The following PCDHA8 variants were observed in gnomAD, a reference collection of about 807,000 sequenced individuals.
PCDHA8 encodes protocadherin alpha-8.
A neutral mutation model predicts 61.8 loss-of-function variants in PCDHA8; 53 were observed. The ratio of observed to expected loss-of-function variants is 0.86; its 90% CI spans 0.69 to 1.08. The LOEUF is 1.08. Ranked by LOEUF, PCDHA8 falls within the 50% of genes least tolerant of loss-of-function variation. The pLI is 0.00. For missense variants in PCDHA8, 1,293 were observed against 1,245.0 expected, an observed-to-expected ratio of 1.04 and a Z score of -0.58; for synonymous variants, 618 against 556.6, an observed-to-expected ratio of 1.11 and a Z score of -1.55.
chr5:140,897,875 G>A (rs2066378352), intron 1 of PCDHA8, among the ~76,000 whole-genome samples: 1 of 152,080 alleles, frequency 6.6e-6, no homozygotes, highest in South Asian at 2.1e-4. Flanking sequence ...TTTAATGATT[G>A]CCATTCTAAC....
intron 1 of PCDHA8, among the ~76,000 whole-genome samples, chr5:140,901,260 T>C (rs1554189701): frequency 6.6e-6 from 1 of 152,308 alleles, no homozygotes; most frequent in East Asian, 1.9e-4. Flanking sequence ...CCTGTGATTG[T>C]GGGGTATTAC....
intron 1 of PCDHA8, among the ~76,000 whole-genome samples, chr5:140,906,637 C>A (rs1171706512): frequency 6.6e-6 from 1 of 152,226 alleles, no homozygotes; most frequent in Non-Finnish European, 1.5e-5. Flanking sequence ...AGCACCTCAG[C>A]AGGTAGTGGT....
intron 1 of PCDHA8, chr5:140,871,328 G>A (rs374687707): frequency 6.2e-7 from 1 of 1,614,128 alleles, no homozygotes; most frequent in Admixed American, 1.7e-5. Flanking sequence ...GTGTGCTCCC[G>A]CGCGGTGGGG....
intron 1 of PCDHA8, among the ~76,000 whole-genome samples, chr5:140,916,423 G>A (rs915446945): frequency 6.6e-6 from 1 of 152,174 alleles, no homozygotes; most frequent in Non-Finnish European, 1.5e-5. Context: ...GCACATCTCA[G>A]AACCTAAGGC....
Position 140,841,584 on chromosome 5 carries a change from C to G in PCDHA8, c.263C>G (p.Ser88Cys), listed in dbSNP as rs2150318562. Residue 88 changes from serine to cysteine, a missense_variant, in exon 1 of 4, where the codon TCT becomes TGT. Physicochemically the swap from Ser to Cys is moderately radical, Grantham distance 112 (BLOSUM62 -1). Transcript: ENST00000531613. ...SLQNGILFVN[S>C]RIDREELCGR... The stretch of plus-strand genomic sequence containing the variant: ...CAGAATGGCATTTTGTTTGTGAATT[C>G]TCGGATCGACCGCGAGGAGCTGTGC... 2 of 1,614,028 alleles carry G rather than the reference C, an allele frequency of 1.2e-6. No individual in the cohort carries two copies. The highest frequency in any genetic ancestry group is 1.1e-5 in the South Asian group (1 of 91,074).
At chr5:140,938,174 G>A (rs1394846002) in intron 1 of PCDHA8, among the ~76,000 whole-genome samples, 3 of 152,200 alleles carry the variant, frequency 2.0e-5, no homozygotes, top group Admixed American at 6.5e-5. Context: ...TGGAGCTCCT[G>A]GGCTCAAGCA....
chr5:140,913,099 C>T (rs1413383908), intron 1 of PCDHA8, among the ~76,000 whole-genome samples: 4 of 152,132 alleles, frequency 2.6e-5, no homozygotes, highest in Non-Finnish European at 4.4e-5. Context: ...ATACTGGCCT[C>T]ATAGAATCAG....
intron 1 of PCDHA8, among the ~76,000 whole-genome samples, chr5:140,938,931 A>T (rs1371527205): frequency 6.6e-6 from 1 of 152,044 alleles, no homozygotes; most frequent in African/African-American, 2.4e-5. Context: ...TTGGCTTTTA[A>T]CTTTCCATTC....
chr5:140,863,548 T>C (rs1370374159), intron 1 of PCDHA8: 6 of 380,478 alleles, frequency 1.6e-5, no homozygotes, highest in South Asian at 4.1e-5. Context: ...TGGACTTCAA[T>C]AGGAAATTTT....
intron 1 of PCDHA8, chr5:140,854,500 C>T (rs1489975615): frequency 2.0e-5 from 3 of 149,908 alleles, no homozygotes; most frequent in Non-Finnish European, 3.0e-5. Context: ...TAGTAGGACA[C>T]ATAAACTGAT....
At chr5:140,913,243 G>T (rs1386908951) in intron 1 of PCDHA8, among the ~76,000 whole-genome samples, 1 of 152,112 alleles carries the variant, frequency 6.6e-6, no homozygotes, top group Non-Finnish European at 1.5e-5. Flanking sequence ...GAGACTTTTT[G>T]TTACAACTTT....
intron 1 of PCDHA8, among the ~76,000 whole-genome samples, chr5:140,942,271 A>G (rs1421470016): frequency 6.6e-6 from 1 of 152,184 alleles, no homozygotes; most frequent in Non-Finnish European, 1.5e-5. Context: ...AAAGCTGGTA[A>G]TGGTGGCTCA....
At chr5:140,972,798 A>G (rs782291338) in intron 1 of PCDHA8, among the ~76,000 whole-genome samples, 6 of 151,178 alleles carry the variant, frequency 4.0e-5, no homozygotes, top group Admixed American at 2.6e-4. Flanking sequence ...TGAGTAGCTG[A>G]GATTACAGGC....
Position 140,843,320 on chromosome 5 carries a change from G to C in PCDHA8, c.1999G>C (p.Val667Leu). Residue 667 changes from valine to leucine, a missense_variant, in exon 1 of 4, where the codon GTG becomes CTG. Physicochemically the swap from Val to Leu is conservative, Grantham distance 32. Coordinates refer to ENST00000531613, the MANE Select transcript of PCDHA8 (RefSeq NM_018911.3). ...PALTATATVL[V>L]SLVESGQAPK... ...GCTGACCGCCACGGCCACGGTTCTG[G>C]TGTCGCTGGTGGAGAGCGGCCAGGC... 1.3e-6 allele frequency: 2 copies of C among 1,596,056 alleles called. No individual in the cohort carries two copies. Among genetic ancestry groups the C allele is most frequent in the Non-Finnish European group, 1.7e-6 (2 of 1,165,592 alleles).
chr5:140,926,943 T>C (rs2083677139), intron 1 of PCDHA8: 1 of 1,587,096 alleles, frequency 6.3e-7, no homozygotes, highest in Non-Finnish European at 8.6e-7. Context: ...CCTGCGGCGC[T>C]GCAGCGGGAC....
intron 1 of PCDHA8, among the ~76,000 whole-genome samples, chr5:140,911,208 G>A (rs1554194651): frequency 6.6e-6 from 1 of 152,154 alleles, no homozygotes; most frequent in Non-Finnish European, 1.5e-5. Flanking sequence ...TGCCACTACT[G>A]GGGATGAGAA....
intron 1 of PCDHA8, chr5:140,871,327 C>A: frequency 6.2e-7 from 1 of 1,614,102 alleles, no homozygotes; most frequent in Non-Finnish European, 8.5e-7. Flanking sequence ...GGTGTGCTCC[C>A]GCGCGGTGGG....
intron 1 of PCDHA8, chr5:140,867,518 A>T (rs2050002627): frequency 6.6e-6 from 1 of 152,128 alleles, no homozygotes; most frequent in Non-Finnish European, 1.5e-5. Context: ...TCAAATTAAT[A>T]GTTGAATATA....
intron 1 of PCDHA8, chr5:140,869,678 T>A: frequency 1.9e-6 from 3 of 1,613,496 alleles, no homozygotes; most frequent in East Asian, 4.5e-5. Flanking sequence ...ATTAAAAGAC[T>A]GTCACTTATT....
Sources: allele counts gnomAD v4.1 joint callset (sites outside exome capture counted in the v4.1 genomes callset), GRCh38; gene constraint gnomAD v4.1.1; transcripts MANE v1.5; gene names NCBI Gene and HGNC (gene_info 2026-07-23, HGNC 2026-07-21).